Variants in RALYL observed in about 807,000 individuals in gnomAD.
RALYL encodes the protein RALY RNA binding protein like, also known as RNA-binding Raly-like protein.
A neutral mutation model predicts 35.1 loss-of-function variants in RALYL; 29 were observed. The observed-to-expected ratio is 0.83, with a 90% CI of 0.61 to 1.13. The LOEUF is 1.13. Ranked by LOEUF, RALYL falls within the 50% of genes most tolerant of loss-of-function variation. The probability of loss-of-function intolerance (pLI) is 0.00; values close to 1 mark genes in which losing one functional copy is unlikely to be tolerated. For missense variants in RALYL, 359 were observed against 360.4 expected (o/e 1.00, Z 0.03); for synonymous variants, 120 against 127.6 (o/e 0.94, Z 0.40).
At chr8:84,671,723 C>A (rs371287769) in intron 2 of RALYL, among the ~76,000 whole-genome samples, 8 of 152,220 alleles carry the variant, frequency 5.3e-5, no homozygotes, top group African/African-American at 1.7e-4. Context: ...CAAGGCTACA[C>A]ACAGCAGTGG....
At chr8:84,751,410 G>T (rs1809972897) in intron 2 of RALYL, among the ~76,000 whole-genome samples, 1 of 151,990 alleles carries the variant, frequency 6.6e-6, no homozygotes, top group African/African-American at 2.4e-5. Context: ...GTTTCACCAT[G>T]TTGGCCAGGC....
intron 1 of RALYL, among the ~76,000 whole-genome samples, chr8:84,436,062 C>T (rs903261568): frequency 1.3e-5 from 2 of 152,082 alleles, no homozygotes; most frequent in Non-Finnish European, 2.9e-5. Flanking sequence ...TTCATGTAAC[C>T]AAACATCACC....
intron 1 of RALYL, among the ~76,000 whole-genome samples, chr8:84,390,205 G>A (rs1017174717): frequency 5.9e-5 from 9 of 152,108 alleles, no homozygotes; most frequent in African/African-American, 1.9e-4. Context: ...CTTGATCATG[G>A]TGGATAAGCT....
intron 2 of RALYL, among the ~76,000 whole-genome samples, chr8:84,584,601 CAA>C (rs34560691): frequency 9.8e-5 from 13 of 133,292 alleles, no homozygotes; most frequent in African/African-American, 3.4e-4. Flanking sequence ...GACTCTGTCT[CAA>C]AAAAAAAAAA....
At chr8:84,539,324 T>C (rs1439589738) in intron 2 of RALYL, among the ~76,000 whole-genome samples, 1 of 152,152 alleles carries the variant, frequency 6.6e-6, no homozygotes, top group East Asian at 1.9e-4. Flanking sequence ...TGTAAAAACC[T>C]AAAAGAAGGC....
chr8:84,235,574 A>G (rs184124613), intron 1 of RALYL, among the ~76,000 whole-genome samples: 1 of 152,368 alleles, frequency 6.6e-6, no homozygotes, highest in Admixed American at 6.5e-5. Flanking sequence ...TATAAATCAT[A>G]GAAGAAGAAA....
intron 1 of RALYL, among the ~76,000 whole-genome samples, chr8:84,421,876 C>G (rs1346680781): frequency 6.7e-6 from 1 of 148,814 alleles, no homozygotes; most frequent in South Asian, 2.2e-4. Flanking sequence ...ATTGAACCAG[C>G]CTTGCATCCC....
chr8:84,409,078 C>T (rs1016531637), intron 1 of RALYL, among the ~76,000 whole-genome samples: 5 of 151,940 alleles, frequency 3.3e-5, no homozygotes, highest in Admixed American at 2.6e-4. Flanking sequence ...ATTTTGACCT[C>T]CCCAAGTGGG....
At chr8:84,840,305 A>G (rs1283121607) in intron 4 of RALYL, among the ~76,000 whole-genome samples, 1 of 152,274 alleles carries the variant, frequency 6.6e-6, no homozygotes, top group Non-Finnish European at 1.5e-5. Flanking sequence ...CCAAGGCACC[A>G]GAACTACGTG....
intron 2 of RALYL, among the ~76,000 whole-genome samples, chr8:84,677,573 T>C (rs533580834): frequency 1.3e-5 from 2 of 152,332 alleles, no homozygotes; most frequent in African/African-American, 4.8e-5. Context: ...TAACATATTC[T>C]ATCTAAGAAT....
In RALYL at chr8:84,721,563, T is replaced by C. The variant is rs866156570; in HGVS notation, c.257-53016T>C. The stretch of plus-strand genomic sequence containing the variant: ...ATTCTGTTTCCTCCCCCATCAAGGG[T>C]TGTCTCTGCTGCTAAGTGTCTTTAT... On this transcript the variant is annotated intron_variant, in intron 2 of 8. Coordinates refer to ENST00000521268, the MANE Select transcript of RALYL (RefSeq NM_173848.7). Among the ~76,000 whole-genome samples, 8 of 152,314 alleles carry C rather than the reference T, an allele frequency of 5.3e-5. No individual in the cohort carries two copies. The South Asian group carries it at 6.2e-4, about 12-fold the overall frequency.
chr8:84,293,438 C>T (rs1393244139), intron 1 of RALYL, among the ~76,000 whole-genome samples: 1 of 152,096 alleles, frequency 6.6e-6, no homozygotes. Flanking sequence ...GCATTTCCCT[C>T]ACATCATCTA....
chr8:84,406,781 C>T (rs1586912842), intron 1 of RALYL, among the ~76,000 whole-genome samples: 1 of 151,946 alleles, frequency 6.6e-6, no homozygotes, highest in African/African-American at 2.4e-5. Context: ...CTCATGCATT[C>T]AGTATTTGCT....
At chr8:84,900,529 A>C (rs1845493727) in intron 8 of RALYL, among the ~76,000 whole-genome samples, 1 of 152,126 alleles carries the variant, frequency 6.6e-6, no homozygotes, top group Non-Finnish European at 1.5e-5. Context: ...ATAGAAAAAA[A>C]TTAGCCAATC....
At chr8:84,358,096 C>T (rs943396930) in intron 1 of RALYL, among the ~76,000 whole-genome samples, 4 of 151,820 alleles carry the variant, frequency 2.6e-5, no homozygotes, top group African/African-American at 9.7e-5. Flanking sequence ...TAGAATTATT[C>T]ACTAAGTCAA....
chr8:84,409,102 T>C (rs1376202929), intron 1 of RALYL, among the ~76,000 whole-genome samples: 1 of 152,034 alleles, frequency 6.6e-6, no homozygotes, highest in Non-Finnish European at 1.5e-5. Context: ...ATGACTAAGA[T>C]TAGAAGCCAT....
chr8:84,838,653 C>T (rs1832530523), intron 4 of RALYL, among the ~76,000 whole-genome samples: 1 of 152,152 alleles, frequency 6.6e-6, no homozygotes, highest in African/African-American at 2.4e-5. Context: ...GAATACTTAG[C>T]TATAACTGGT....
At chr8:84,879,590 C>A (rs183071655) in intron 7 of RALYL, among the ~76,000 whole-genome samples, 69 of 151,998 alleles carry the variant, frequency 4.5e-4, no homozygotes, top group African/African-American at 1.6e-3. Context: ...GCAATATAAA[C>A]AATATTTAGA....
intron 1 of RALYL, among the ~76,000 whole-genome samples, chr8:84,440,230 T>G (rs1296230419): frequency 2.0e-5 from 3 of 152,130 alleles, no homozygotes; most frequent in Admixed American, 6.6e-5. Context: ...CATAACTTTA[T>G]GCAAATATTT....
Sources: gnomAD v4.1 joint callset for allele counts (sites outside exome capture counted in the v4.1 genomes callset) on GRCh38, gnomAD v4.1.1 for gene constraint, MANE v1.5 for transcripts, NCBI Gene and HGNC (gene_info 2026-07-23, HGNC 2026-07-21) for gene names.